Variants in GLRA1 observed in about 807,000 individuals in gnomAD.
GLRA1 encodes glycine receptor alpha 1.
A neutral mutation model predicts 48.3 loss-of-function variants in GLRA1; 37 were observed. That is an observed-to-expected ratio of 0.77 (90% CI 0.59 to 1.01). The LOEUF (loss-of-function observed/expected upper bound fraction) is 1.01, where lower values mean the gene tolerates loss of function less well. Among genes scored for constraint, GLRA1 ranks in the 50% least tolerant of loss-of-function variants. The pLI, the probability that GLRA1 is intolerant of heterozygous loss-of-function variation, is 0.00. For missense variants in GLRA1, 427 were observed against 571.0 expected, an observed-to-expected ratio of 0.75 and a Z score of 2.57; for synonymous variants, 196 against 210.7, an observed-to-expected ratio of 0.93 and a Z score of 0.60.
intron 1 of GLRA1, among the ~76,000 whole-genome samples, chr5:151,908,862 T>G (rs894392305): frequency 6.6e-6 from 1 of 152,154 alleles, no homozygotes; most frequent in African/African-American, 2.4e-5. Context: ...TCTATCTACT[T>G]TCTCCATCCT....
rs137940821 is a variant in GLRA1 at position 151,884,900 on chromosome 5, G to A, written c.252+1821C>T. Reference sequence around the variant, plus strand: ...CAGAGGAGGGGAAGAAAAGCAGAGGGGCTCATTAAGAGTGCTTGTAAGACA... The same window carrying A: ...CAGAGGAGGGGAAGAAAAGCAGAGGAGCTCATTAAGAGTGCTTGTAAGACA... On this transcript the variant is annotated intron_variant, in intron 3 of 8. Coordinates refer to ENST00000274576, the MANE Select transcript of GLRA1 (RefSeq NM_000171.4). Among the ~76,000 whole-genome samples the A allele has an allele frequency of 3.9e-3, 599 of 152,268 alleles. 5 individuals carry two copies. The highest frequency in any genetic ancestry group is 0.025 in the South Asian group (123 of 4,828).
intron 3 of GLRA1, among the ~76,000 whole-genome samples, chr5:151,878,814 T>C (rs1753689444): frequency 6.6e-6 from 1 of 152,188 alleles, no homozygotes; most frequent in Non-Finnish European, 1.5e-5. Flanking sequence ...AGAAGGTGTA[T>C]GGAAACCCCT....
At position 151,824,685 on chromosome 5, in the gene GLRA1, A is replaced by G. The variant is rs369843586; in HGVS notation, c.1060-1722T>C. On this transcript the variant is annotated intron_variant, in intron 8 of 8. Coordinates refer to ENST00000274576, the MANE Select transcript of GLRA1 (RefSeq NM_000171.4). ...AGAAGCCTTCTCTGAGCTCCCAAGT[A>G]TAGGCTAGCCGCTCCTGCTGTGTGC... Among the ~76,000 whole-genome samples, 101 of 152,256 alleles carry G rather than the reference A, an allele frequency of 6.6e-4. 1 individual carries two copies. The Middle Eastern group carries it at 0.014, about 21-fold the overall frequency.
intron 8 of GLRA1, among the ~76,000 whole-genome samples, chr5:151,823,638 C>A (rs1407406081): frequency 2.0e-5 from 3 of 152,228 alleles, no homozygotes. Context: ...TAACTTCAGA[C>A]AGACCTCTGG....
At chr5:151,825,290 G>T (rs1486304759) in intron 8 of GLRA1, among the ~76,000 whole-genome samples, 4 of 152,108 alleles carry the variant, frequency 2.6e-5, no homozygotes, top group African/African-American at 9.7e-5. Context: ...TGGAGCTGGG[G>T]TGTTGTTCTA....
intron 8 of GLRA1, among the ~76,000 whole-genome samples, chr5:151,828,512 C>T (rs996397830): frequency 6.6e-6 from 1 of 152,184 alleles, no homozygotes; most frequent in Middle Eastern, 3.2e-3. Flanking sequence ...GGGCATTCTA[C>T]GTTAAGATCT....
chr5:151,841,326 T>C (rs967846679), intron 7 of GLRA1, among the ~76,000 whole-genome samples: 6 of 151,974 alleles, frequency 3.9e-5, no homozygotes, highest in African/African-American at 1.5e-4. Context: ...ATACTACAAC[T>C]AATGAGATGC....
intron 3 of GLRA1, among the ~76,000 whole-genome samples, chr5:151,869,932 C>T (rs1753435164): frequency 6.7e-6 from 1 of 149,334 alleles, no homozygotes; most frequent in Non-Finnish European, 1.5e-5. Context: ...ATTTCACACT[C>T]TTTTGACAAT....
intron 1 of GLRA1, among the ~76,000 whole-genome samples, chr5:151,898,793 A>AGC (rs1378955882): frequency 3.3e-5 from 5 of 152,332 alleles, no homozygotes; most frequent in South Asian, 2.1e-4. Flanking sequence ...AGTCAGCACT[A>AGC]TAATTGAGGA....
chr5:151,910,293 A>G (rs527684486), intron 1 of GLRA1, among the ~76,000 whole-genome samples: 1 of 152,302 alleles, frequency 6.6e-6, no homozygotes, highest in East Asian at 1.9e-4. Context: ...TCTTTTATTA[A>G]AAAATATATT....
chr5:151,854,626 C>G (rs1043897271), intron 6 of GLRA1, among the ~76,000 whole-genome samples: 1 of 152,234 alleles, frequency 6.6e-6, no homozygotes, highest in African/African-American at 2.4e-5. Flanking sequence ...CCCTTTCTAG[C>G]TATTTACTAA....
chr5:151,894,109 G>A (rs1381825009), intron 1 of GLRA1, among the ~76,000 whole-genome samples: 1 of 152,146 alleles, frequency 6.6e-6, no homozygotes, highest in Non-Finnish European at 1.5e-5. Context: ...GGGCTGGGAT[G>A]TTGGAGGAAA....
chr5:151,878,866 T>C (rs1450570682), intron 3 of GLRA1, among the ~76,000 whole-genome samples: 1 of 152,202 alleles, frequency 6.6e-6, no homozygotes, highest in Non-Finnish European at 1.5e-5. Flanking sequence ...GGGGCCCTCA[T>C]GGAGAACCTC....
At chr5:151,885,584 G>A (rs1753878799) in intron 3 of GLRA1, among the ~76,000 whole-genome samples, 1 of 152,256 alleles carries the variant, frequency 6.6e-6, no homozygotes, top group Non-Finnish European at 1.5e-5. Context: ...AAAGGAGGCT[G>A]GAGTGGGTGC....
intron 3 of GLRA1, chr5:151,875,710 A>G (rs1036375724): frequency 2.0e-5 from 3 of 152,270 alleles, no homozygotes; most frequent in Admixed American, 6.5e-5. Flanking sequence ...CACAAATCCT[A>G]CTGAGCTTCT....
chr5:151,855,275 A>G, intron 5 of GLRA1, 98 bp from the exon 6 acceptor site: 1 of 1,195,518 alleles, frequency 8.4e-7, no homozygotes, highest in African/African-American at 1.5e-5. Flanking sequence ...GAGACATCAG[A>G]CACTTGATGG....
At chr5:151,905,837 G>A (rs1353247856) in intron 1 of GLRA1, among the ~76,000 whole-genome samples, 1 of 152,188 alleles carries the variant, frequency 6.6e-6, no homozygotes, top group Non-Finnish European at 1.5e-5. Context: ...ACATTGGAAC[G>A]TGCTGGAGGG....
At chr5:151,843,601 CAG>C (rs1242957145) in intron 7 of GLRA1, among the ~76,000 whole-genome samples, 6 of 150,700 alleles carry the variant, frequency 4.0e-5, no homozygotes, top group African/African-American at 1.2e-4. Context: ...ATGAAAAAGA[CAG>C]AGAGTAGCCA....
chr5:151,845,172 T>A (rs947663139), intron 7 of GLRA1, among the ~76,000 whole-genome samples: 1 of 152,210 alleles, frequency 6.6e-6, no homozygotes, highest in Non-Finnish European at 1.5e-5. Context: ...ATTAATCTAT[T>A]CATGAGGAAT....
Sources: gnomAD v4.1 joint callset for allele counts (sites outside exome capture counted in the v4.1 genomes callset) on GRCh38, gnomAD v4.1.1 for gene constraint, MANE v1.5 for transcripts, NCBI Gene and HGNC (gene_info 2026-07-23, HGNC 2026-07-21) for gene names.